Variants in PAPOLG observed in about 807,000 individuals in gnomAD.
PAPOLG encodes the protein poly(A) polymerase gamma, also known as PAP-gamma.
PAPOLG carries 40 observed loss-of-function variants against 99.0 expected under a neutral mutation model. The observed-to-expected ratio is 0.40, with a 90% CI of 0.31 to 0.53. The LOEUF (loss-of-function observed/expected upper bound fraction) is 0.53, where lower values mean the gene tolerates loss of function less well. PAPOLG is among the 20% of genes least tolerant of loss of function. The pLI is 0.41. For missense variants in PAPOLG, 675 were observed against 884.1 expected, an observed-to-expected ratio of 0.76 and a Z score of 3.00; for synonymous variants, 310 against 299.3, an observed-to-expected ratio of 1.04 and a Z score of -0.37.
intron 11 of PAPOLG, 30 bp from the exon 12 acceptor site, chr2:60,782,653 CTTT>C (rs747526129): frequency 9.7e-3 from 10,080 of 1,041,470 alleles, no homozygotes; most frequent in East Asian, 0.043. Flanking sequence ...CATTCTTCTT[CTTT>C]TTTTTTTTTT....
Position 60,756,383 on chromosome 2 carries a change from T to C in PAPOLG, c.-96T>C. On this transcript the variant is annotated 5_prime_UTR_variant, in exon 1 of 22. Transcript: ENST00000238714. ...GAAAGTGAGCGAGCAAGCGAGCTACTAGCGACCGGAGGAAAGTGAACAGGG... is the reference window on the plus strand; with the variant it reads ...GAAAGTGAGCGAGCAAGCGAGCTACCAGCGACCGGAGGAAAGTGAACAGGG... The C allele has an allele frequency of 6.5e-7, 1 of 1,540,068 alleles. No individual in the cohort carries two copies. Among genetic ancestry groups the C allele is most frequent in the Non-Finnish European group, 9.0e-7 (1 of 1,113,596 alleles).
At chr2:60,776,417 C>CTT (rs1491032001) in intron 8 of PAPOLG, among the ~76,000 whole-genome samples, 3 of 121,530 alleles carry the variant, frequency 2.5e-5, no homozygotes, top group South Asian at 2.6e-4. Context: ...GCATTGGCTT[C>CTT]ATTTTTTTTT....
intron 13 of PAPOLG, 159 bp from the exon 14 acceptor site, chr2:60,786,788 C>T: frequency 5.1e-6 from 2 of 389,974 alleles, no homozygotes; most frequent in Non-Finnish European, 7.0e-6. Context: ...CTCTTGCCTC[C>T]CAAAGTGCTG....
intron 7 of PAPOLG, 119 bp from the exon 8 acceptor site, chr2:60,774,915 G>A (rs1049879855): frequency 1.4e-5 from 20 of 1,480,650 alleles, no homozygotes; most frequent in African/African-American, 4.3e-5. Context: ...CATAAAATAA[G>A]CCCCAATGTT....
chr2:60,780,744 G>A lies in PAPOLG; in HGVS notation c.871G>A (p.Glu291Lys). The A allele has an allele frequency of 6.2e-7, 1 of 1,614,118 alleles. No homozygotes were observed. The highest frequency in any genetic ancestry group is 1.7e-5 in the Admixed American group (1 of 60,010). The change falls in exon 10 of 22, where the codon GAA becomes AAA. Residue 291 changes from glutamate to lysine, a missense_variant. This residue lies in a region of PAPOLG where 113 missense variants were observed against 231.5 expected (regional missense o/e 0.49). Coordinates refer to ENST00000238714, the MANE Select transcript of PAPOLG (RefSeq NM_022894.4). ...PNPVLLKQPE[E>K]SNLNLPVWDP... ...TCCTGTGCTGCTGAAGCAACCAGAAGAAAGCAATTTGAATTTGCCTGTCTG... is the reference window on the plus strand; with the variant it reads ...TCCTGTGCTGCTGAAGCAACCAGAAAAAAGCAATTTGAATTTGCCTGTCTG...
At chr2:60,765,660 C>G (rs992603692) in intron 3 of PAPOLG, among the ~76,000 whole-genome samples, 17 of 152,256 alleles carry the variant, frequency 1.1e-4, no homozygotes, top group Non-Finnish European at 2.4e-4. Context: ...AATCCCACAT[C>G]AAATCATTTT....
chr2:60,763,029 A>T (rs1227804863), intron 3 of PAPOLG, among the ~76,000 whole-genome samples: 1 of 151,316 alleles, frequency 6.6e-6, no homozygotes, highest in Non-Finnish European at 1.5e-5. Context: ...AGCCTCCCCA[A>T]GTGCTGGGAT....
chr2:60,786,303 T>C (rs1364192466), intron 13 of PAPOLG, among the ~76,000 whole-genome samples: 1 of 152,140 alleles, frequency 6.6e-6, no homozygotes, highest in Non-Finnish European at 1.5e-5. Flanking sequence ...TGATCTTAGC[T>C]CACTGCAACC....
chr2:60,768,559 CT>C lies in PAPOLG; in HGVS notation c.328+12del. 1 of 1,579,742 alleles carries C rather than the reference CT, an allele frequency of 6.3e-7. No individual in the cohort carries two copies. The highest frequency in any genetic ancestry group is 1.3e-5 in the African/African-American group (1 of 74,156). ...TTGGAGTACACACCAAAGGTAACTGCTTTTCTGTGTTCTAGTGCTAAGAACA... is the reference window on the plus strand; with the variant it reads ...TTGGAGTACACACCAAAGGTAACTGCTTTCTGTGTTCTAGTGCTAAGAACA... On this transcript the variant is annotated intron_variant, in intron 4 of 21. Coordinates refer to ENST00000238714, the MANE Select transcript of PAPOLG (RefSeq NM_022894.4).
At chr2:60,794,427 C>CA in intron 19 of PAPOLG, 2 of 578,788 alleles carry the variant, frequency 3.5e-6, no homozygotes, top group Non-Finnish European at 5.9e-6. Context: ...TTACTGATAA[C>CA]AAAATCTCAT....
At position 60,799,604 on chromosome 2, in the gene PAPOLG, G is replaced by GTTTTGTTTTGT. The variant is rs1553382027; in HGVS notation, c.*2447_*2448insTGTTTTGTTTT. The stretch of plus-strand genomic sequence containing the variant: ...ATGATGAGAGGCACTAAGTACATGT[G>GTTTTGTTTTGT]TTTGTTTTGTTTTGTTTTGTTTTGT... On this transcript the variant is annotated 3_prime_UTR_variant, in exon 22 of 22. Transcript: ENST00000238714. 5.0e-3 allele frequency: 752 copies of GTTTTGTTTTGT among 150,322 alleles called. 5 individuals carry two copies. The highest frequency in any genetic ancestry group is 8.2e-3 in the Non-Finnish European group (557 of 67,650). The allele number at this position is 150,322 out of a possible 1,614,324, so 9.3% of individuals were successfully genotyped here.
chr2:60,768,119 T>C (rs1245110778), intron 3 of PAPOLG, among the ~76,000 whole-genome samples: 2 of 152,318 alleles, frequency 1.3e-5, no homozygotes, highest in East Asian at 3.9e-4. Flanking sequence ...TTTTATTTTT[T>C]GAGACAGAGT....
chr2:60,779,874 T>C, intron 9 of PAPOLG, 99 bp downstream of exon 9: 1 of 1,014,088 alleles, frequency 9.9e-7, no homozygotes, highest in Non-Finnish European at 1.4e-6. Flanking sequence ...TTTCTGTTGT[T>C]TTACATTGCT....
At chr2:60,770,870 A>G (rs993048010) in intron 6 of PAPOLG, among the ~76,000 whole-genome samples, 11 of 152,116 alleles carry the variant, frequency 7.2e-5, no homozygotes, top group Non-Finnish European at 1.2e-4. Flanking sequence ...TGATCCGCCC[A>G]CCTTGGCCTC....
intron 8 of PAPOLG, among the ~76,000 whole-genome samples, chr2:60,775,901 T>A (rs1295797993): frequency 6.6e-6 from 1 of 152,012 alleles, no homozygotes; most frequent in East Asian, 1.9e-4. Flanking sequence ...GTAGCTGGGA[T>A]TATAGGCACG....
chr2:60,766,415 G>C (rs1403205763), intron 3 of PAPOLG, among the ~76,000 whole-genome samples: 1 of 152,132 alleles, frequency 6.6e-6, no homozygotes, highest in Non-Finnish European at 1.5e-5. Context: ...TGTGATCCCA[G>C]CACTTTGGGA....
At chr2:60,794,312 A>C in intron 19 of PAPOLG, 121 bp downstream of exon 19, 1 of 1,034,372 alleles carries the variant, frequency 9.7e-7, no homozygotes. Flanking sequence ...ATATTTACCC[A>C]AATCTTAAAG....
rs1671168019 is a variant in PAPOLG, at chr2:60,780,894, A to G, written c.906+115A>G. The G allele has an allele frequency of 2.5e-5, 21 of 851,800 alleles. No homozygotes were observed. In the South Asian group the frequency reaches 2.8e-4, roughly 12 times the overall value. The allele number at this position is 851,800 out of a possible 1,614,324, so 52.8% of individuals were successfully genotyped here. ...TCTCTGTTCTTCCTTCTATATAACT[A>G]TAGTCCCCTTCCTCCTTCTGCTGTG... On this transcript the variant is annotated intron_variant, in intron 10 of 21. Transcript: ENST00000238714.
At chr2:60,777,839 T>G (rs1345114058) in intron 8 of PAPOLG, among the ~76,000 whole-genome samples, 1 of 152,158 alleles carries the variant, frequency 6.6e-6, no homozygotes, top group Non-Finnish European at 1.5e-5. Flanking sequence ...AACATATACA[T>G]TTACCAAGTT....
Sources: allele counts gnomAD v4.1 joint callset (sites outside exome capture counted in the v4.1 genomes callset), GRCh38; gene constraint gnomAD v4.1.1; regional missense constraint gnomAD v4.1.1; transcripts MANE v1.5; gene names NCBI Gene and HGNC (gene_info 2026-07-23, HGNC 2026-07-21).